PIEZO2: variants seen among roughly 807,000 people sequenced by gnomAD.
PIEZO2 encodes the protein piezo-type mechanosensitive ion channel component 2.
In PIEZO2, 172 loss-of-function variants were observed where a neutral mutation model predicts 337.3. That is an observed-to-expected ratio of 0.51 (90% CI 0.45 to 0.58). PIEZO2 has a LOEUF of 0.58. Among genes scored for constraint, PIEZO2 ranks in the 20% least tolerant of loss-of-function variants. The pLI is 0.00. For missense variants in PIEZO2, 3,028 were observed against 3,391.3 expected, an observed-to-expected ratio of 0.89 and a Z score of 2.66; for synonymous variants, 1,251 against 1,228.5, an observed-to-expected ratio of 1.02 and a Z score of -0.38.
chr18:11,063,249 G>A (rs562791966), intron 2 of PIEZO2, among the ~76,000 whole-genome samples: 1 of 145,288 alleles, frequency 6.9e-6, no homozygotes, highest in South Asian at 2.3e-4. Context: ...CATGGACATA[G>A]GAAGGGGAAC....
chr18:11,037,365 C>G (rs1369571419), intron 2 of PIEZO2, among the ~76,000 whole-genome samples: 1 of 152,032 alleles, frequency 6.6e-6, no homozygotes, highest in Non-Finnish European at 1.5e-5. Context: ...GAAATGAAAA[C>G]GTTTATTGTT....
At chr18:11,123,761 G>A (rs991942012) in intron 1 of PIEZO2, among the ~76,000 whole-genome samples, 1 of 151,572 alleles carries the variant, frequency 6.6e-6, no homozygotes, top group Non-Finnish European at 1.5e-5. Flanking sequence ...AGTGAGCTGA[G>A]ATCGCACCAT....
intron 3 of PIEZO2, among the ~76,000 whole-genome samples, chr18:10,974,995 A>T (rs900561867): frequency 2.6e-5 from 4 of 152,212 alleles, no homozygotes; most frequent in African/African-American, 7.2e-5. Flanking sequence ...TTGTTTAGAG[A>T]ATGAATAGGA....
At position 11,078,177 on chromosome 18, in the gene PIEZO2, CAT is replaced by C. The variant is rs1450646985; in HGVS notation, c.65-11957_65-11956del. On this transcript the variant is annotated intron_variant, in intron 1 of 55. Transcript: ENST00000674853. The surrounding 1 kb of genome is among the most constrained non-coding windows in gnomAD (Gnocchi z 5.3). ...CACACACATACACACACCACACACA[CAT>C]ACACACACACACTTGTATGGGCTTT... Among the ~76,000 whole-genome samples, 1 of 152,004 alleles carries C rather than the reference CAT, an allele frequency of 6.6e-6. No homozygotes were observed. Among genetic ancestry groups the C allele is most frequent in the African/African-American group, 2.4e-5 (1 of 41,368 alleles).
At position 10,750,197 on chromosome 18, in the gene PIEZO2, A is replaced by G; in HGVS notation, c.4168-10T>C. 2.6e-6 allele frequency: 4 copies of G among 1,526,508 alleles called. No individual in the cohort carries two copies. The South Asian group carries it at 4.8e-5, about 18-fold the overall frequency. The allele number at this position is 1,526,508 out of a possible 1,614,324, so 94.6% of individuals were successfully genotyped here. ...ATCCACATGCTCCTATCTGAAAAACAAAAGAGGGGGATAATCCTGAAGCTC... is the reference window on the plus strand; with the variant it reads ...ATCCACATGCTCCTATCTGAAAAACGAAAGAGGGGGATAATCCTGAAGCTC... On this transcript the variant is annotated splice_polypyrimidine_tract_variant and intron_variant, in intron 28 of 55. Transcript: ENST00000674853. The surrounding 1 kb of genome is among the most constrained non-coding windows in gnomAD (Gnocchi z 4.1).
intron 1 of PIEZO2, among the ~76,000 whole-genome samples, chr18:11,142,081 A>G (rs1453048270): frequency 6.6e-6 from 1 of 152,230 alleles, no homozygotes; most frequent in Non-Finnish European, 1.5e-5. Flanking sequence ...AGGGGAATTT[A>G]AAAATAGCAA....
chr18:10,807,244 C>A lies in PIEZO2; in HGVS notation c.948G>T (p.Thr316=). The change falls in exon 8 of 56, where the codon ACG becomes ACT. Residue 316 remains threonine (T), a synonymous_variant. Coordinates refer to ENST00000674853, the MANE Select transcript of PIEZO2 (RefSeq NM_001378183.1). Reference sequence around the variant, plus strand: ...TGATCTTCCAAGTACTTGAACAGTCCGTTTGAATTACTGACTTGATACCAA... The same window carrying A: ...TGATCTTCCAAGTACTTGAACAGTCAGTTTGAATTACTGACTTGATACCAA... ...RLFGIKSVIQ[T]DCSSTWKIIV... is the part of the protein sequence containing the mutation. 1 of 1,536,874 alleles carries A rather than the reference C, an allele frequency of 6.5e-7. No homozygotes were observed.
intron 9 of PIEZO2, 118 bp from the exon 10 acceptor site, chr18:10,801,546 G>GT: frequency 1.1e-6 from 1 of 870,280 alleles, no homozygotes; most frequent in Non-Finnish European, 1.8e-6. Context: ...CTGATTGCTA[G>GT]TATATTAATA....
intron 4 of PIEZO2, among the ~76,000 whole-genome samples, chr18:10,892,715 A>G (rs192054645): frequency 6.6e-6 from 1 of 152,334 alleles, no homozygotes; most frequent in African/African-American, 2.4e-5. Flanking sequence ...ATTTAGCATG[A>G]AACAATAAAG....
chr18:10,721,584 A>G (rs2036313508), intron 36 of PIEZO2, among the ~76,000 whole-genome samples: 1 of 152,180 alleles, frequency 6.6e-6, no homozygotes, highest in Non-Finnish European at 1.5e-5. Flanking sequence ...ATTCTGAAAA[A>G]AAAAGGTAGT....
At chr18:10,737,323 G>A (rs1017080267) in intron 33 of PIEZO2, among the ~76,000 whole-genome samples, 11 of 145,860 alleles carry the variant, frequency 7.5e-5, no homozygotes, top group Non-Finnish European at 1.3e-4. Flanking sequence ...ACACTGCCAT[G>A]AGGATGAAAT....
chr18:10,937,185 C>A (rs1568217205), intron 3 of PIEZO2, among the ~76,000 whole-genome samples: 1 of 152,070 alleles, frequency 6.6e-6, no homozygotes, highest in Non-Finnish European at 1.5e-5. Context: ...TTCAGTGGAG[C>A]CATTAATGCT....
At chr18:10,703,936 G>T (rs1279784105) in intron 42 of PIEZO2, among the ~76,000 whole-genome samples, 3 of 152,164 alleles carry the variant, frequency 2.0e-5, no homozygotes, top group Non-Finnish European at 4.4e-5. Flanking sequence ...TGTCCAAAGT[G>T]CCGGACTGTA....
chr18:10,791,820 G>C (rs2039420107), intron 13 of PIEZO2, among the ~76,000 whole-genome samples: 1 of 152,182 alleles, frequency 6.6e-6, no homozygotes, highest in Non-Finnish European at 1.5e-5. Context: ...AAGCTGAAGG[G>C]ACACTAGTTC....
At chr18:10,736,853 A>C (rs770766649) in intron 33 of PIEZO2, 143 bp from the exon 34 acceptor site, 14 of 906,762 alleles carry the variant, frequency 1.5e-5, no homozygotes, top group Non-Finnish European at 2.3e-5. Context: ...AAAACACACA[A>C]GATGAAGAGA....
At chr18:11,136,106 T>C (rs1205766697) in intron 1 of PIEZO2, among the ~76,000 whole-genome samples, 2 of 152,178 alleles carry the variant, frequency 1.3e-5, no homozygotes, top group Non-Finnish European at 2.9e-5. Context: ...ATAACTTACA[T>C]GGTGGGAAAT....
intron 27 of PIEZO2, among the ~76,000 whole-genome samples, chr18:10,754,876 G>A (rs2037775093): frequency 6.6e-6 from 1 of 152,174 alleles, no homozygotes; most frequent in Non-Finnish European, 1.5e-5. Flanking sequence ...CAGTTCTGCT[G>A]TTGCCTATGT....
chr18:10,687,590 C>A (rs1181957544), intron 49 of PIEZO2, among the ~76,000 whole-genome samples: 1 of 152,132 alleles, frequency 6.6e-6, no homozygotes, highest in Non-Finnish European at 1.5e-5. Flanking sequence ...CTTTGCCAAC[C>A]CTATCATTTA....
Position 11,080,548 on chromosome 18 carries a change from C to G in PIEZO2, c.65-14326G>C, listed in dbSNP as rs1381567616. Among the ~76,000 whole-genome samples the G allele has an allele frequency of 6.6e-6, 1 of 152,248 alleles. No homozygotes were observed. Among genetic ancestry groups the G allele is most frequent in the East Asian group, 1.9e-4 (1 of 5,174 alleles). On this transcript the variant is annotated intron_variant, in intron 1 of 55. Transcript: ENST00000674853. The surrounding 1 kb of genome is among the most constrained non-coding windows in gnomAD (Gnocchi z 5.4). ...TAAAGGGGTTACCTTCCTTGGCCCT[C>G]AAAAACAGAGGCATCAGGCCAGGTG...
Sources: allele counts gnomAD v4.1 joint callset (sites outside exome capture counted in the v4.1 genomes callset), GRCh38; gene constraint gnomAD v4.1.1; non-coding constraint Gnocchi (gnomAD v3.1); transcripts MANE v1.5; gene names NCBI Gene and HGNC (gene_info 2026-07-23, HGNC 2026-07-21).